MET: variants seen among roughly 807,000 people sequenced by gnomAD.
MET encodes the protein MET proto-oncogene, receptor tyrosine kinase, also known as hepatocyte growth factor receptor.
A neutral mutation model predicts 133.1 loss-of-function variants in MET; 48 were observed. That is an observed-to-expected ratio of 0.36 (90% CI 0.29 to 0.46). MET has a LOEUF of 0.46. Ranked by LOEUF, MET falls within the 20% of genes least tolerant of loss-of-function variation. The pLI, the probability that MET is intolerant of heterozygous loss-of-function variation, is 1.00. For missense variants in MET, 1,442 were observed against 1,695.9 expected, an observed-to-expected ratio of 0.85 and a Z score of 2.63; for synonymous variants, 628 against 616.5, an observed-to-expected ratio of 1.02 and a Z score of -0.28.
At position 116,763,139 on chromosome 7, in the gene MET, A is replaced by G. The variant is rs1445121623; in HGVS notation, c.2454A>G (p.Lys818=). 6.2e-7 allele frequency: 1 copy of G among 1,614,032 alleles called. No individual in the cohort carries two copies. The highest frequency in any genetic ancestry group is 1.1e-5 in the South Asian group (1 of 91,070). The part of the protein sequence containing the change: ...QLNLQLPLKT[K]AFFMLDGILS... ...ATCTGCAACTCCCCCTGAAAACCAA[A>G]GCCTTTTTCATGTTAGATGGGATCC... Residue 818 remains lysine (K), a synonymous_variant, in exon 11 of 21, where the codon AAA becomes AAG. Transcript: ENST00000397752.
rs1328454755 is a variant in MET at position 116,740,904 on chromosome 7, G to C, written c.1580G>C (p.Ser527Thr). 6.2e-7 allele frequency: 1 copy of C among 1,614,182 alleles called. No homozygotes were observed. Among genetic ancestry groups the C allele is most frequent in the East Asian group, 2.2e-5 (1 of 44,874 alleles). The change falls in exon 5 of 21, where the codon AGT becomes ACT. Residue 527 changes from serine (S) to threonine (T), a missense_variant. Around this residue, in one of 6 missense-constraint regions of MET, gnomAD observed 762 missense variants for 792.4 expected, o/e 0.96. Transcript: ENST00000397752. ...GGCTGCAGACATTTCCAGTCCTGCAGTCAATGCCTCTCTGCCCCACCCTTT... is the reference window on the plus strand; with the variant it reads ...GGCTGCAGACATTTCCAGTCCTGCACTCAATGCCTCTCTGCCCCACCCTTT... ...GLGCRHFQSC[S>T]QCLSAPPFVQ...
chr7:116,676,270 G>A (rs1796156860), intron 1 of MET, among the ~76,000 whole-genome samples: 1 of 152,138 alleles, frequency 6.6e-6, no homozygotes, highest in Admixed American at 6.5e-5. Flanking sequence ...TATATAATGG[G>A]CAATAGAATT....
intron 19 of MET, among the ~76,000 whole-genome samples, chr7:116,790,752 T>G (rs2117090480): frequency 6.6e-6 from 1 of 152,286 alleles, no homozygotes; most frequent in African/African-American, 2.4e-5. Flanking sequence ...CGTACAGATG[T>G]ACCACATTTT....
intron 5 of MET, among the ~76,000 whole-genome samples, chr7:116,749,662 T>G (rs187576681): frequency 4.5e-4 from 68 of 152,234 alleles, no homozygotes; most frequent in African/African-American, 1.5e-3. Flanking sequence ...AGAGAGGAAG[T>G]CAAATTGTCT....
At chr7:116,706,535 T>A (rs141687946) in intron 2 of MET, among the ~76,000 whole-genome samples, 1 of 152,154 alleles carries the variant, frequency 6.6e-6, no homozygotes, top group African/African-American at 2.4e-5. Context: ...AGTAATAATG[T>A]ATATTTTTAC....
chr7:116,679,666 G>GA (rs2116466753), intron 1 of MET, among the ~76,000 whole-genome samples: 1 of 152,294 alleles, frequency 6.6e-6, no homozygotes, highest in East Asian at 1.9e-4. Context: ...TAGGAGAGGG[G>GA]AGAGAGGAAT....
intron 19 of MET, among the ~76,000 whole-genome samples, chr7:116,792,639 C>A (rs547668588): frequency 3.9e-5 from 6 of 152,252 alleles, no homozygotes; most frequent in South Asian, 4.1e-4. Flanking sequence ...TTCCTGGAAA[C>A]CTTCTTCCTC....
At chr7:116,686,790 T>C (rs1796575894) in intron 1 of MET, among the ~76,000 whole-genome samples, 1 of 152,202 alleles carries the variant, frequency 6.6e-6, no homozygotes, top group Admixed American at 6.5e-5. Context: ...CTGGCCTCTA[T>C]GCCAATTGCA....
intron 2 of MET, among the ~76,000 whole-genome samples, chr7:116,718,490 G>C (rs958249902): frequency 2.0e-5 from 3 of 151,774 alleles, no homozygotes; most frequent in Non-Finnish European, 4.4e-5. Flanking sequence ...TTTAGAAGTG[G>C]ATAAGCCTTT....
chr7:116,783,846 A>G (rs1389168534), intron 19 of MET, among the ~76,000 whole-genome samples: 3 of 152,244 alleles, frequency 2.0e-5, no homozygotes, highest in Non-Finnish European at 4.4e-5. Flanking sequence ...TTCCACATCA[A>G]GAAATCTGGA....
intron 2 of MET, among the ~76,000 whole-genome samples, chr7:116,706,250 T>G (rs1269248713): frequency 1.3e-5 from 2 of 152,156 alleles, no homozygotes; most frequent in African/African-American, 2.4e-5. Flanking sequence ...GACATTATTC[T>G]TAATGTCCTT....
chr7:116,733,202 T>C (rs942424476), intron 3 of MET, among the ~76,000 whole-genome samples: 8 of 152,204 alleles, frequency 5.3e-5, no homozygotes, highest in Admixed American at 3.9e-4. Flanking sequence ...TGTGTAGTAT[T>C]GTTCTGTGTT....
At chr7:116,726,788 G>A (rs556438585) in intron 2 of MET, among the ~76,000 whole-genome samples, 2 of 152,318 alleles carry the variant, frequency 1.3e-5, no homozygotes, top group Admixed American at 6.5e-5. Context: ...TTTCCTGCAG[G>A]CCTTTGGGAA....
At chr7:116,790,009 T>C (rs950967895) in intron 19 of MET, among the ~76,000 whole-genome samples, 2 of 152,158 alleles carry the variant, frequency 1.3e-5, no homozygotes, top group East Asian at 1.9e-4. Context: ...CCTGTGTTCA[T>C]GTGCTCTCAT....
rs753621571 is a variant in MET at position 116,759,559 on chromosome 7, G to A, written c.2364+69G>A. 3 of 1,541,536 alleles carry A rather than the reference G, an allele frequency of 1.9e-6. No homozygotes were observed. In the Admixed American group the frequency reaches 5.4e-5, roughly 28 times the overall value. ...TGCCTCTAACCATGTGGCTTTCATG[G>A]TACCTGAGACATCTCAGTTTCGCCT... On this transcript the variant is annotated intron_variant, in intron 10 of 20. Transcript: ENST00000397752.
intron 19 of MET, among the ~76,000 whole-genome samples, chr7:116,793,089 G>C (rs747729085): frequency 6.6e-6 from 1 of 151,694 alleles, no homozygotes; most frequent in African/African-American, 2.4e-5. Flanking sequence ...TCTCCTTTCT[G>C]TTCTAAGCTT....
At chr7:116,678,688 T>C (rs75577506) in intron 1 of MET, among the ~76,000 whole-genome samples, 4,821 of 152,214 alleles carry the variant, frequency 0.032, 114 homozygotes, top group East Asian at 0.11. Context: ...TCAACCTAGC[T>C]TTAAAAATAG....
In MET at chr7:116,798,202, C is replaced by T. The variant is rs1188924741; in HGVS notation, c.*2078C>T. The T allele has an allele frequency of 1.9e-5, 4 of 211,838 alleles. No individual in the cohort carries two copies. The highest frequency in any genetic ancestry group is 1.9e-5 in the Non-Finnish European group (2 of 104,158). 13.1% of individuals were successfully genotyped at this position (211,838 alleles called of 1,614,324 possible). A position where few individuals can be genotyped will look rare whatever the true frequency, so the allele number is the denominator to read the frequency against. ...TGAGAACACTGCAATGTGAAAATCA[C>T]GTTTGCTATTTATAAACTTGTCCTT... On this transcript the variant is annotated 3_prime_UTR_variant, in exon 21 of 21. Transcript: ENST00000397752.
At chr7:116,675,030 T>C (rs190942459) in intron 1 of MET, among the ~76,000 whole-genome samples, 1 of 152,356 alleles carries the variant, frequency 6.6e-6, no homozygotes, top group East Asian at 1.9e-4. Flanking sequence ...CTGAAACTAG[T>C]GTTTTTGACA....
Sources: allele counts gnomAD v4.1 joint callset (sites outside exome capture counted in the v4.1 genomes callset), GRCh38; gene constraint gnomAD v4.1.1; regional missense constraint gnomAD v4.1.1; transcripts MANE v1.5; gene names NCBI Gene and HGNC (gene_info 2026-07-23, HGNC 2026-07-21).